The following LRP1B variants were observed in gnomAD, a reference collection of about 807,000 sequenced individuals.
The protein encoded by LRP1B is low-density lipoprotein receptor-related protein 1B.
A neutral mutation model predicts 556.6 loss-of-function variants in LRP1B; 217 were observed. That is an observed-to-expected ratio of 0.39 (90% CI 0.35 to 0.44). The LOEUF is 0.44. Ranked by LOEUF, LRP1B falls within the 20% of genes least tolerant of loss-of-function variation. LRP1B has a pLI of 1.00. For missense variants in LRP1B, 5,053 were observed against 5,620.8 expected (o/e 0.90, Z 3.23); for synonymous variants, 2,047 against 1,865.8 (o/e 1.10, Z -2.50).
At chr2:140,469,343 A>T (rs980159311) in intron 60 of LRP1B, among the ~76,000 whole-genome samples, 2 of 152,182 alleles carry the variant, frequency 1.3e-5, no homozygotes, top group Non-Finnish European at 2.9e-5. Context: ...TATGAAGCAG[A>T]CAGTGAGCCC....
rs762795784 is a variant in LRP1B, at chr2:142,038,074, AT to A, written c.82+92573del. Among the ~76,000 whole-genome samples the A allele has an allele frequency of 8.2e-4, 124 of 151,760 alleles. 4 individuals are homozygous for A. Among genetic ancestry groups the A allele is most frequent in the South Asian group, 1.5e-3 (7 of 4,822 alleles). ...CTATTCTCAAAATAATATTAAAAAA[AT>A]AAATTCCCTCTTCAATTATTTAAAG... On this transcript the variant is annotated intron_variant, in intron 1 of 90. Coordinates refer to ENST00000389484, the MANE Select transcript of LRP1B (RefSeq NM_018557.3).
chr2:140,358,766 G>C (rs1398628192), intron 73 of LRP1B, 55 bp downstream of exon 73: 42 of 1,577,478 alleles, frequency 2.7e-5, no homozygotes, highest in Non-Finnish European at 3.6e-5. Context: ...TGTACTCCAA[G>C]TCATCAGAGA....
At chr2:141,947,160 G>A (rs564083287) in intron 1 of LRP1B, among the ~76,000 whole-genome samples, 7 of 152,198 alleles carry the variant, frequency 4.6e-5, no homozygotes, top group East Asian at 1.9e-4. Context: ...GGCCAGGCAC[G>A]GTGGCTCATG....
At chr2:140,853,457 C>T (rs994648208) in intron 27 of LRP1B, among the ~76,000 whole-genome samples, 6 of 152,124 alleles carry the variant, frequency 3.9e-5, no homozygotes, top group African/African-American at 1.4e-4. Context: ...TTACAGACCT[C>T]AGCCATGAAC....
intron 43 of LRP1B, among the ~76,000 whole-genome samples, chr2:140,579,056 CAAAG>C (rs1244868211): frequency 6.6e-6 from 1 of 151,026 alleles, no homozygotes; most frequent in Non-Finnish European, 1.5e-5. Context: ...AACAAGGAGA[CAAAG>C]AAAGAAAAAA....
intron 3 of LRP1B, among the ~76,000 whole-genome samples, chr2:141,347,819 T>C (rs748231454): frequency 3.9e-5 from 6 of 152,204 alleles, no homozygotes; most frequent in African/African-American, 7.2e-5. Context: ...TTTGTCATTA[T>C]AACAAAGTAT....
chr2:141,037,716 G>C (rs576052405), intron 11 of LRP1B, among the ~76,000 whole-genome samples: 1 of 152,044 alleles, frequency 6.6e-6, no homozygotes, highest in South Asian at 2.1e-4. Flanking sequence ...TGTCCAGCTG[G>C]ATACAGGGAT....
intron 59 of LRP1B, among the ~76,000 whole-genome samples, chr2:140,481,310 T>A (rs937100119): frequency 3.9e-5 from 6 of 152,232 alleles, no homozygotes; most frequent in African/African-American, 1.4e-4. Flanking sequence ...ATTTTGTTAC[T>A]GGAAACTCTG....
At chr2:142,106,318 A>C (rs188395358) in intron 1 of LRP1B, among the ~76,000 whole-genome samples, 230 of 152,340 alleles carry the variant, frequency 1.5e-3, no homozygotes, top group Non-Finnish European at 2.6e-3. Context: ...CTATTGTGGA[A>C]TAATTAAGTT....
chr2:140,413,353 T>C (rs1395205949), intron 66 of LRP1B, among the ~76,000 whole-genome samples: 1 of 152,222 alleles, frequency 6.6e-6, no homozygotes, highest in African/African-American at 2.4e-5. Flanking sequence ...CAATGTTTAA[T>C]AATGTTTGCT....
At chr2:140,965,886 A>AT (rs1161757782) in intron 18 of LRP1B, among the ~76,000 whole-genome samples, 9 of 66,170 alleles carry the variant, frequency 1.4e-4, no homozygotes, top group Non-Finnish European at 2.7e-4. Context: ...ACATGAACTC[A>AT]TCCTTTTTTT....
In LRP1B at chr2:140,233,315, G is replaced by A. The variant is rs2104871055; in HGVS notation, c.13671C>T (p.Tyr4557=). The change falls in exon 91 of 91, where the codon TAC becomes TAT. Residue 4557 remains tyrosine, a synonymous_variant. Transcript: ENST00000389484. ...ATAATTTTGCATATACCGGATTGGA[G>A]TAATTTGTTGGCTGAAGGAGAAAAA... ...KGPLTAGPTN[Y]SNPVYAKLYM... 1.3e-6 allele frequency: 2 copies of A among 1,585,646 alleles called. No homozygotes were observed. The highest frequency in any genetic ancestry group is 1.2e-5 in the South Asian group (1 of 85,894).
At chr2:141,406,128 T>G (rs1162790927) in intron 3 of LRP1B, among the ~76,000 whole-genome samples, 1 of 152,126 alleles carries the variant, frequency 6.6e-6, no homozygotes, top group Non-Finnish European at 1.5e-5. Flanking sequence ...GAGATATTAT[T>G]TTTTCCCATT....
At chr2:140,635,016 T>C (rs1324334667) in intron 41 of LRP1B, among the ~76,000 whole-genome samples, 5 of 152,056 alleles carry the variant, frequency 3.3e-5, no homozygotes, top group Non-Finnish European at 7.4e-5. Context: ...CAGTAATATA[T>C]TAGCAATAGG....
intron 3 of LRP1B, among the ~76,000 whole-genome samples, chr2:141,404,487 T>C (rs1311964592): frequency 1.3e-5 from 2 of 152,318 alleles, no homozygotes; most frequent in Admixed American, 6.5e-5. Flanking sequence ...TATGCATTTG[T>C]TATGCTTTTA....
At position 141,995,786 on chromosome 2, in the gene LRP1B, G is replaced by A. The variant is rs530074584; in HGVS notation, c.82+134862C>T. On this transcript the variant is annotated intron_variant, in intron 1 of 90. Coordinates refer to ENST00000389484, the MANE Select transcript of LRP1B (RefSeq NM_018557.3). ...CAAGAAACGTAAATATAAAATGTTA[G>A]AATTGTTTAAGACTTTTATTCTGTG... 1.1e-4 allele frequency among the ~76,000 whole-genome samples: 16 copies of A among 152,214 alleles called. No individual in the cohort carries two copies. The East Asian group carries it at 3.1e-3, about 29-fold the overall frequency.
chr2:141,822,122 C>CAGAGAGAG (rs1427035383), intron 1 of LRP1B, among the ~76,000 whole-genome samples: 137 of 106,312 alleles, frequency 1.3e-3, no homozygotes, highest in Middle Eastern at 5.3e-3. Context: ...CACACACACA[C>CAGAGAGAG]ACACACACAG....
At chr2:141,905,017 T>C (rs1253752954) in intron 1 of LRP1B, among the ~76,000 whole-genome samples, 1 of 151,872 alleles carries the variant, frequency 6.6e-6, no homozygotes, top group Non-Finnish European at 1.5e-5. Flanking sequence ...AGAACATTCA[T>C]ATAGTATAGA....
intron 66 of LRP1B, among the ~76,000 whole-genome samples, chr2:140,429,326 C>A (rs539920882): frequency 6.6e-6 from 1 of 152,260 alleles, no homozygotes; most frequent in South Asian, 2.1e-4. Context: ...TAGTGCCAAA[C>A]CCATATACTC....
Sources: gnomAD v4.1 joint callset for allele counts (sites outside exome capture counted in the v4.1 genomes callset) on GRCh38, gnomAD v4.1.1 for gene constraint, MANE v1.5 for transcripts, NCBI Gene and HGNC (gene_info 2026-07-23, HGNC 2026-07-21) for gene names.